The following COL27A1 variants were observed in gnomAD, a reference collection of about 807,000 sequenced individuals.
The protein encoded by COL27A1 is collagen alpha-1(XXVII) chain.
Under a neutral mutation model 251.3 loss-of-function variants are expected in COL27A1, and 106 were observed. The observed-to-expected ratio is 0.42, with a 90% confidence interval of 0.36 to 0.50. The LOEUF (loss-of-function observed/expected upper bound fraction) is 0.50, where lower values mean the gene tolerates loss of function less well. COL27A1 is among the 20% of genes least tolerant of loss of function. The pLI, the probability that COL27A1 is intolerant of heterozygous loss-of-function variation, is 0.00. For missense variants in COL27A1, 2,325 were observed against 2,522.8 expected (o/e 0.92, Z 1.68); for synonymous variants, 1,000 against 986.3 (o/e 1.01, Z -0.26).
chr9:114,168,316 C>G lies in COL27A1; in HGVS notation c.761C>G (p.Ser254Cys), dbSNP rs144086565. Residue 254 changes from serine (S) to cysteine (C), a missense_variant, in exon 3 of 61, where the codon TCT (serine) becomes TGT (cysteine). Around this residue, in one of 4 missense-constraint regions of COL27A1, gnomAD observed 1,183 missense variants for 1,144.1 expected, o/e 1.03. Coordinates refer to ENST00000356083, the MANE Select transcript of COL27A1 (RefSeq NM_032888.4). Reference protein sequence around the residue: ...SPLGPLFSQDSGRPFTFQSDL... With the variant: ...SPLGPLFSQDCGRPFTFQSDL... Reference sequence around the variant, plus strand: ...CTGGGACCTCTCTTCTCCCAAGACTCTGGCAGACCTTTTACCTTCCAGTCC... The same window carrying G: ...CTGGGACCTCTCTTCTCCCAAGACTGTGGCAGACCTTTTACCTTCCAGTCC... 2.0e-4 allele frequency: 316 copies of G among 1,613,270 alleles called. No individual in the cohort carries two copies. Among genetic ancestry groups the G allele is most frequent in the Non-Finnish European group, 2.6e-4 (305 of 1,180,036 alleles).
chr9:114,278,447 G>GTGGTGGT (rs1426081384), intron 37 of COL27A1, among the ~76,000 whole-genome samples: 1 of 5,416 alleles, frequency 1.8e-4, no homozygotes, highest in African/African-American at 5.1e-4. Flanking sequence ...GATGATGATG[G>GTGGTGGT]GGCACTGATG....
At position 114,307,310 on chromosome 9, in the gene COL27A1, T is replaced by G. The variant is rs565793298; in HGVS notation, c.5108-359T>G. The G allele has an allele frequency of 8.6e-5, 18 of 208,794 alleles. No individual in the cohort carries two copies. In the South Asian group the frequency reaches 1.3e-3, roughly 15 times the overall value. The allele number at this position is 208,794 out of a possible 1,614,324, so 12.9% of individuals were successfully genotyped here. A position where few individuals can be genotyped will look rare whatever the true frequency, so the allele number is the denominator to read the frequency against. ...ACTCCTACCCTCCCCCGGCAGGCCC[T>G]AGGAGGAGCCCTAGGCCTCGAAGAA... On this transcript the variant is annotated intron_variant, in intron 58 of 60. Coordinates refer to ENST00000356083, the MANE Select transcript of COL27A1 (RefSeq NM_032888.4).
At position 114,290,152 on chromosome 9, in the gene COL27A1, C is replaced by A; in HGVS notation, c.4260+41C>A. 6.3e-7 allele frequency: 1 copy of A among 1,581,800 alleles called. No homozygotes were observed. Among genetic ancestry groups the A allele is most frequent in the South Asian group, 1.1e-5 (1 of 90,054 alleles). Reference sequence around the variant, plus strand: ...TGCTGTTTCCAGCCAACCTCCCTGCCCGCCCCCCACACCCGCCCTCCTCCC... The same window carrying A: ...TGCTGTTTCCAGCCAACCTCCCTGCACGCCCCCCACACCCGCCCTCCTCCC... On this transcript the variant is annotated intron_variant, in intron 46 of 60. Transcript: ENST00000356083. The surrounding 1 kb of genome is among the most constrained non-coding windows in gnomAD (Gnocchi z 4.6).
chr9:114,263,127 T>C (rs1834472364), intron 28 of COL27A1, among the ~76,000 whole-genome samples: 1 of 151,898 alleles, frequency 6.6e-6, no homozygotes, highest in South Asian at 2.1e-4. Context: ...ATAGTAGAGA[T>C]GGGGTTTCAC....
intron 3 of COL27A1, among the ~76,000 whole-genome samples, chr9:114,171,194 T>C (rs922155204): frequency 1.4e-5 from 2 of 147,182 alleles, no homozygotes; most frequent in South Asian, 4.5e-4. Context: ...CAGTGGTTGC[T>C]TGGGGATGAC....
Position 114,156,030 on chromosome 9 carries a change from G to A in COL27A1, c.62+18G>A. 7.7e-7 allele frequency: 1 copy of A among 1,297,766 alleles called. No individual in the cohort carries two copies. Among genetic ancestry groups the A allele is most frequent in the Non-Finnish European group, 9.8e-7 (1 of 1,019,096 alleles). The allele number at this position is 1,297,766 out of a possible 1,614,324, so 80.4% of individuals were successfully genotyped here. ...CGCGGGGGGTGAGTACGAACTCGGG[G>A]ACGCCCCCTCCCTAGCTTCCTGCTG... On this transcript the variant is annotated intron_variant, in intron 1 of 60. Coordinates refer to ENST00000356083, the MANE Select transcript of COL27A1 (RefSeq NM_032888.4).
Position 114,168,758 on chromosome 9 carries a change from AC to A in COL27A1, c.1206del (p.Thr403LeufsTer55). The A allele has an allele frequency of 6.2e-7, 1 of 1,613,870 alleles. No homozygotes were observed. The highest frequency in any genetic ancestry group is 1.3e-5 in the African/African-American group (1 of 74,980). On this transcript the variant is annotated frameshift_variant, in exon 3 of 61. Transcript: ENST00000356083. LOFTEE classifies it high-confidence loss of function. ...CATCTTCATTTACAAAGTCAGCCCT[AC>A]CCACTCAGAAGCAAGTGCCACCTAC... Reference protein sequence around the residue: ...APSSFTKSALPTQKQVPPTSR... With the variant: ...APSSFTKSALXTQKQVPPTSR...
intron 15 of COL27A1, 67 bp from the exon 16 acceptor site, chr9:114,231,755 A>T: frequency 6.5e-7 from 1 of 1,544,930 alleles, no homozygotes; most frequent in East Asian, 2.2e-5. Context: ...AGTCGTGTTT[A>T]AGCCAGGGCT....
At chr9:114,268,301 C>T (rs897287890) in intron 34 of COL27A1, among the ~76,000 whole-genome samples, 16 of 151,116 alleles carry the variant, frequency 1.1e-4, no homozygotes, top group Admixed American at 7.9e-4. Flanking sequence ...AACCACCCCA[C>T]GTAGAAAACT....
intron 4 of COL27A1, among the ~76,000 whole-genome samples, 194 bp downstream of exon 4, chr9:114,178,538 C>G (rs753310687): frequency 6.6e-6 from 1 of 152,174 alleles, no homozygotes; most frequent in East Asian, 1.9e-4. Flanking sequence ...TGGCATGGAA[C>G]AGCAATGACC....
intron 12 of COL27A1, among the ~76,000 whole-genome samples, chr9:114,216,703 C>G (rs1830735391): frequency 6.6e-6 from 1 of 152,050 alleles, no homozygotes; most frequent in Non-Finnish European, 1.5e-5. Context: ...TTTTTCCAAC[C>G]ACTGTGCTCT....
intron 3 of COL27A1, among the ~76,000 whole-genome samples, chr9:114,176,565 C>T (rs1827460839): frequency 6.6e-6 from 1 of 152,084 alleles, no homozygotes; most frequent in South Asian, 2.1e-4. Flanking sequence ...TATGTGAACC[C>T]AGGCCCGTGG....
intron 35 of COL27A1, 137 bp downstream of exon 35, chr9:114,269,431 C>T (rs1198602525): frequency 5.3e-6 from 3 of 567,770 alleles, no homozygotes; most frequent in African/African-American, 3.9e-5. Context: ...TCTACAGCCT[C>T]GCCCAGTCTC....
intron 7 of COL27A1, among the ~76,000 whole-genome samples, chr9:114,201,283 C>G (rs961934684): frequency 6.6e-6 from 1 of 152,236 alleles, no homozygotes; most frequent in Non-Finnish European, 1.5e-5. Flanking sequence ...TCACTGCCCA[C>G]GGGCCCACTT....
At chr9:114,276,759 C>T (rs895054376) in intron 37 of COL27A1, among the ~76,000 whole-genome samples, 2 of 152,234 alleles carry the variant, frequency 1.3e-5, no homozygotes, top group Non-Finnish European at 2.9e-5. Flanking sequence ...CGAGCATCTT[C>T]CCTGGGCCAG....
intron 49 of COL27A1, among the ~76,000 whole-genome samples, chr9:114,292,856 G>T (rs1301209470): frequency 6.6e-6 from 1 of 152,138 alleles, no homozygotes; most frequent in Non-Finnish European, 1.5e-5. Flanking sequence ...CATAAAGAAG[G>T]TATTTTCATA....
chr9:114,154,932 C>T (rs940158458), upstream of COL27A1, among the ~76,000 whole-genome samples: 18 of 152,040 alleles, frequency 1.2e-4, no homozygotes, highest in African/African-American at 4.1e-4. This position sits in a 1 kb window ranked among gnomAD's most constrained non-coding sequence, Gnocchi z 5.8. Context: ...TCTTAGCTCC[C>T]GGATGGGATC....
intron 51 of COL27A1, 41 bp from the exon 52 acceptor site, chr9:114,301,031 G>A (rs1445283731): frequency 1.2e-5 from 18 of 1,561,574 alleles, no homozygotes; most frequent in East Asian, 2.2e-5. Context: ...TGTTCCCCAG[G>A]CCCTGGAACA....
intron 36 of COL27A1, 71 bp downstream of exon 36, chr9:114,270,852 T>C: frequency 8.7e-7 from 1 of 1,152,926 alleles, no homozygotes; most frequent in Non-Finnish European, 1.3e-6. Flanking sequence ...GACCTAAGTC[T>C]CCTCCCAGAA....
Sources: allele counts gnomAD v4.1 joint callset (sites outside exome capture counted in the v4.1 genomes callset), GRCh38; gene constraint gnomAD v4.1.1; regional missense constraint gnomAD v4.1.1; non-coding constraint Gnocchi (gnomAD v3.1); transcripts MANE v1.5; gene names NCBI Gene and HGNC (gene_info 2026-07-23, HGNC 2026-07-21).